Variants in KIF24 observed in about 807,000 individuals in gnomAD.
KIF24 encodes the protein kinesin family member 24.
KIF24 carries 81 observed loss-of-function variants against 118.9 expected under a neutral mutation model. The ratio of observed to expected loss-of-function variants is 0.68; its 90% CI spans 0.57 to 0.82. The LOEUF is 0.82. Ranked by LOEUF, KIF24 falls within the 40% of genes least tolerant of loss-of-function variation. The pLI is 0.00. For missense variants in KIF24, 1,560 were observed against 1,661.6 expected, an observed-to-expected ratio of 0.94 and a Z score of 1.06; for synonymous variants, 599 against 610.0, an observed-to-expected ratio of 0.98 and a Z score of 0.27.
chr9:34,294,247 C>G (rs559427518), intron 4 of KIF24, among the ~76,000 whole-genome samples: 1 of 152,294 alleles, frequency 6.6e-6, no homozygotes, highest in South Asian at 2.1e-4. Flanking sequence ...ACCACTGTGC[C>G]CGACTGACAC....
At chr9:34,297,195 G>A (rs1836517500) in intron 3 of KIF24, 81 bp from the exon 4 acceptor site, 1 of 752,378 alleles carries the variant, frequency 1.3e-6, no homozygotes, top group African/African-American at 1.8e-5. Flanking sequence ...GATGATAAAT[G>A]CCAAAATATG....
intron 2 of KIF24, among the ~76,000 whole-genome samples, chr9:34,306,876 G>T (rs918567814): frequency 1.3e-5 from 2 of 151,772 alleles, no homozygotes; most frequent in South Asian, 4.2e-4. Flanking sequence ...AAAGTAAAGT[G>T]TCAACCCTGA....
chr9:34,326,610 C>T (rs746869512), intron 1 of KIF24, among the ~76,000 whole-genome samples: 2 of 152,040 alleles, frequency 1.3e-5, no homozygotes, highest in Non-Finnish European at 2.9e-5. Context: ...GAGGGTTCCA[C>T]GTGAGCACAT....
intron 8 of KIF24, among the ~76,000 whole-genome samples, chr9:34,267,943 G>C (rs555620991): frequency 1.3e-5 from 2 of 152,240 alleles, no homozygotes; most frequent in Non-Finnish European, 2.9e-5. Context: ...AAGTGACCCA[G>C]TTTTCTTCAA....
chr9:34,317,924 G>T (rs147665887), intron 1 of KIF24, among the ~76,000 whole-genome samples: 1 of 152,112 alleles, frequency 6.6e-6, no homozygotes, highest in Non-Finnish European at 1.5e-5. Flanking sequence ...GGCATCCACC[G>T]GGGGTCTTGG....
chr9:34,311,072 G>T lies in KIF24; in HGVS notation c.275C>A (p.Ser92Tyr). 1 of 1,613,892 alleles carries T rather than the reference G, an allele frequency of 6.2e-7. No homozygotes were observed. The highest frequency in any genetic ancestry group is 1.1e-5 in the South Asian group (1 of 91,066). Reference sequence around the variant, plus strand: ...AAAATTCAGCTGTCTGCGAGGGCCAGATCTTAATTCCTGAGATTTGATGCG... The same window carrying T: ...AAAATTCAGCTGTCTGCGAGGGCCATATCTTAATTCCTGAGATTTGATGCG... Reference protein sequence around the residue: ...SLRIKSQELRSGPRRQLNFDS... With the variant: ...SLRIKSQELRYGPRRQLNFDS... Residue 92 changes from serine (S) to tyrosine (Y), a missense_variant, in exon 2 of 13, where the codon TCT (serine) becomes TAT (tyrosine). Transcript: ENST00000402558.
chr9:34,328,004 A>G lies in KIF24; in HGVS notation c.-26+1102T>C, dbSNP rs1169127165. The stretch of plus-strand genomic sequence containing the variant: ...CAAACTTTTATAAAAGGGTAACAAG[A>G]ACATAGCTGCTGTACTGAACTTTTT... On this transcript the variant is annotated intron_variant, in intron 1 of 12. Transcript: ENST00000402558. Among the ~76,000 whole-genome samples, 4 of 152,288 alleles carry G rather than the reference A, an allele frequency of 2.6e-5. No homozygotes were observed. In the East Asian group the frequency reaches 7.7e-4, roughly 29 times the overall value.
At chr9:34,273,274 C>T (rs1026613787) in intron 6 of KIF24, among the ~76,000 whole-genome samples, 4 of 151,162 alleles carry the variant, frequency 2.6e-5, no homozygotes, top group Non-Finnish European at 5.9e-5. Context: ...AATCCTCCCA[C>T]CTCGGCCTCC....
chr9:34,282,516 CAGGG>C (rs1392487900), intron 6 of KIF24: 2 of 151,996 alleles, frequency 1.3e-5, no homozygotes, highest in Non-Finnish European at 2.9e-5. Context: ...AAAAATCCCT[CAGGG>C]AGGATGCACC....
intron 6 of KIF24, among the ~76,000 whole-genome samples, chr9:34,281,239 T>C (rs939331954): frequency 1.3e-5 from 2 of 152,172 alleles, no homozygotes; most frequent in Admixed American, 1.3e-4. Context: ...TTGGCCAGGC[T>C]GGTTTCAAAC....
At chr9:34,299,158 A>AT (rs775820212) in intron 3 of KIF24, among the ~76,000 whole-genome samples, 15 of 152,010 alleles carry the variant, frequency 9.9e-5, no homozygotes, top group African/African-American at 3.6e-4. Context: ...AACTATACGT[A>AT]TATAATAGTA....
At chr9:34,319,601 G>A (rs1837449341) in intron 1 of KIF24, 1 of 936,066 alleles carries the variant, frequency 1.1e-6, no homozygotes, top group Non-Finnish European at 1.8e-6. Flanking sequence ...GCTCCCTGCT[G>A]TTCACTGGGC....
At chr9:34,314,335 T>C (rs1288743194) in intron 1 of KIF24, among the ~76,000 whole-genome samples, 5 of 151,996 alleles carry the variant, frequency 3.3e-5, no homozygotes, top group African/African-American at 1.2e-4. Flanking sequence ...GGCTAATTTT[T>C]TTGTATGTTT....
upstream of KIF24, chr9:34,329,426 T>A (rs182163284): frequency 6.6e-6 from 1 of 152,376 alleles, no homozygotes; most frequent in East Asian, 1.9e-4. Context: ...AGCCAATCGT[T>A]CCGCTTGAGG....
At chr9:34,301,070 G>C (rs1034129915) in intron 3 of KIF24, among the ~76,000 whole-genome samples, 5 of 152,104 alleles carry the variant, frequency 3.3e-5, no homozygotes, top group Non-Finnish European at 5.9e-5. Flanking sequence ...GGTTTTCCCA[G>C]TACTTTTGTA....
rs1420863782 is a variant in KIF24 at position 34,329,124 on chromosome 9, G to A, written c.-44C>T. On this transcript the variant is annotated 5_prime_UTR_variant, in exon 1 of 13. Transcript: ENST00000402558. The stretch of plus-strand genomic sequence containing the variant: ...TTCTCACCTCGGTCCAAACTCCTCG[G>A]TCTGCCCTGTCTGAGAAGAGGAGAA... Among the ~76,000 whole-genome samples, 1 of 152,196 alleles carries A rather than the reference G, an allele frequency of 6.6e-6. No homozygotes were observed. The highest frequency in any genetic ancestry group is 6.5e-5 in the Admixed American group (1 of 15,284).
intron 1 of KIF24, chr9:34,319,407 T>C (rs769045210): frequency 1.2e-5 from 11 of 940,736 alleles, no homozygotes; most frequent in Non-Finnish European, 1.7e-5. Context: ...CAAGGCAAAC[T>C]TGTCACGCAT....
intron 6 of KIF24, among the ~76,000 whole-genome samples, chr9:34,280,241 G>A (rs1420521060): frequency 2.5e-5 from 3 of 120,854 alleles, no homozygotes; most frequent in East Asian, 5.4e-4. Flanking sequence ...CCAAGATCCC[G>A]CCACTGCACT....
chr9:34,319,669 A>T, intron 1 of KIF24: 1 of 798,380 alleles, frequency 1.3e-6, no homozygotes, highest in Non-Finnish European at 2.2e-6. Context: ...CTCAGGGTGC[A>T]CACAGGATGG....
Sources: gnomAD v4.1 joint callset for allele counts (sites outside exome capture counted in the v4.1 genomes callset) on GRCh38, gnomAD v4.1.1 for gene constraint, MANE v1.5 for transcripts, NCBI Gene and HGNC (gene_info 2026-07-23, HGNC 2026-07-21) for gene names.